Variants in IRX4 observed in about 807,000 individuals in gnomAD.
The protein encoded by IRX4 is iroquois-class homeodomain protein IRX-4.
A neutral mutation model predicts 32.0 loss-of-function variants in IRX4; 22 were observed. The ratio of observed to expected loss-of-function variants is 0.69; its 90% CI spans 0.49 to 0.98. IRX4 has a LOEUF of 0.98. Ranked by LOEUF, IRX4 falls within the 50% of genes least tolerant of loss-of-function variation. IRX4 has a pLI of 0.00. For synonymous variants in IRX4, 379 were observed against 351.7 expected, an observed-to-expected ratio of 1.08 and a Z score of -0.87; for missense variants, 840 against 744.2, an observed-to-expected ratio of 1.13 and a Z score of -1.50.
intron 3 of IRX4, 40 bp downstream of exon 3, chr5:1,880,685 C>G: frequency 7.3e-7 from 1 of 1,365,648 alleles, no homozygotes; most frequent in Non-Finnish European, 1.0e-6. Flanking sequence ...GTGCAGAGGG[C>G]CCGTGGGGCT....
chr5:1,880,940 G>T (rs571715947), intron 2 of IRX4, 106 bp from the exon 3 acceptor site: 2 of 857,228 alleles, frequency 2.3e-6, no homozygotes, highest in Non-Finnish European at 4.0e-6. Context: ...GGATTCCTGG[G>T]CAGCCCTACG....
Position 1,879,631 on chromosome 5 carries a change from C to T in IRX4, c.609G>A (p.Glu203=). 4 of 1,614,130 alleles carry T rather than the reference C, an allele frequency of 2.5e-6. No homozygotes were observed. Among genetic ancestry groups the T allele is most frequent in the Non-Finnish European group, 3.4e-6 (4 of 1,180,026 alleles). Reference sequence around the variant, plus strand: ...TCCGCGGCGGCCACGTCATCTTGTTCTCCTTCTTGAGGCGCCGGCGCGCGT... The same window carrying T: ...TCCGCGGCGGCCACGTCATCTTGTTTTCCTTCTTGAGGCGCCGGCGCGCGT... ...FANARRRLKK[E]NKMTWPPRNK... is the part of the protein sequence containing the mutation. Residue 203 remains glutamate (E), a synonymous_variant, in exon 4 of 5, where the codon GAG becomes GAA. Coordinates refer to ENST00000231357, the MANE Select transcript of IRX4 (RefSeq NM_016358.3).
chr5:1,881,823 G>A lies in IRX4; in HGVS notation c.282C>T (p.Ser94=), dbSNP rs1735451574. 1.9e-6 allele frequency: 3 copies of A among 1,564,346 alleles called. No individual in the cohort carries two copies. Among genetic ancestry groups the A allele is most frequent in the African/African-American group, 2.7e-5 (2 of 73,392 alleles). Residue 94 remains serine (S), a synonymous_variant, in exon 2 of 5, where the codon TCC becomes TCT. Transcript: ENST00000231357. ...CCCCACTTACCAGCGAGTAGAAGGC[G>A]GACGCCTCCGAGCCGTAGGTCACGT... ...GNYVTYGSEA[S]AFYSLNSFDS...
Position 1,879,623 on chromosome 5 carries a change from A to G in IRX4, c.617T>C (p.Met206Thr). 1 of 1,613,988 alleles carries G rather than the reference A, an allele frequency of 6.2e-7. No individual in the cohort carries two copies. Among genetic ancestry groups the G allele is most frequent in the Non-Finnish European group, 8.5e-7 (1 of 1,180,016 alleles). ...ARRRLKKENK[M>T]TWPPRNKCAD... ...GCACTTGTTCCGCGGCGGCCACGTC[A>G]TCTTGTTCTCCTTCTTGAGGCGCCG... The change falls in exon 4 of 5, where the codon ATG becomes ACG. Residue 206 changes from methionine to threonine, a missense_variant. By Grantham distance (81) the Met-to-Thr change is moderately conservative. Around this residue, in one of 3 missense-constraint regions of IRX4, gnomAD observed 585 missense variants for 488.0 expected, o/e 1.20. Transcript: ENST00000231357.
rs369060686 is a variant in IRX4, at chr5:1,879,556, C to T, written c.684G>A (p.Glu228=). The change falls in exon 4 of 5, where the codon GAG becomes GAA. Residue 228 remains glutamate, a synonymous_variant. Coordinates refer to ENST00000231357, the MANE Select transcript of IRX4 (RefSeq NM_016358.3). ...KRPYAEGEEE[E]GGEEEAREEP... Reference sequence around the variant, plus strand: ...CCTCCCGCGCCTCCTCCTCGCCCCCCTCCTCCTCCTCGCCCTCCGCGTAGG... The same window carrying T: ...CCTCCCGCGCCTCCTCCTCGCCCCCTTCCTCCTCCTCGCCCTCCGCGTAGG... 1.3e-6 allele frequency: 2 copies of T among 1,597,522 alleles called. No individual in the cohort carries two copies. Among genetic ancestry groups the T allele is most frequent in the Non-Finnish European group, 1.7e-6 (2 of 1,168,182 alleles).
intron 2 of IRX4, 101 bp from the exon 3 acceptor site, chr5:1,880,935 C>A (rs539117428): frequency 1.3e-5 from 12 of 898,940 alleles, no homozygotes; most frequent in Non-Finnish European, 2.2e-5. Flanking sequence ...GGCAAGGATT[C>A]CTGGGCAGCC....
rs1735362063 is a variant in IRX4, at chr5:1,879,755, T to C, written c.485A>G (p.Gln162Arg). The change falls in exon 4 of 5, where the codon CAG becomes CGG. Residue 162 changes from glutamine (Q) to arginine (R), a missense_variant. Coordinates refer to ENST00000231357, the MANE Select transcript of IRX4 (RefSeq NM_016358.3). ...ETTSTLKAWL[Q>R]EHRKNPYPTK... ...GGGGTAGGGGTTCTTGCGGTGCTCC[T>C]GCAGCCAGGCCTTGAGCGTGCTGGT... 3 of 1,614,138 alleles carry C rather than the reference T, an allele frequency of 1.9e-6. No individual in the cohort carries two copies. Among genetic ancestry groups the C allele is most frequent in the African/African-American group, 2.7e-5 (2 of 74,956 alleles).
chr5:1,880,974 C>T (rs1049615998), intron 2 of IRX4, 140 bp from the exon 3 acceptor site: 3 of 697,642 alleles, frequency 4.3e-6, no homozygotes, highest in Middle Eastern at 2.5e-4. Flanking sequence ...GAGCTGATTT[C>T]CCGCTTGCTT....
rs1735363743 is a variant in IRX4 at position 1,879,788 on chromosome 5, C to G, written c.452G>C (p.Arg151Pro). 1 of 1,614,136 alleles carries G rather than the reference C, an allele frequency of 6.2e-7. No homozygotes were observed. The highest frequency in any genetic ancestry group is 8.5e-7 in the Non-Finnish European group (1 of 1,180,038). The change falls in exon 4 of 5, where the codon CGC (arginine) becomes CCC (proline). Residue 151 changes from arginine to proline, a missense_variant. By Grantham distance (103) the Arg-to-Pro change is moderately radical. This residue lies in a region of IRX4 where 241 missense variants were observed against 220.8 expected (regional missense o/e 1.09). Transcript: ENST00000231357. The stretch of plus-strand genomic sequence containing the variant: ...GGCCTTGAGCGTGCTGGTGGTCTCG[C>G]GCGTGGCGTTCTTGCGCCGCGTGCC... Reference protein sequence around the residue: ...DSGTRRKNATRETTSTLKAWL... With the variant: ...DSGTRRKNATPETTSTLKAWL...
intron 2 of IRX4, 76 bp downstream of exon 2, chr5:1,881,732 G>A: frequency 9.2e-6 from 14 of 1,524,838 alleles, no homozygotes; most frequent in South Asian, 1.2e-5. Context: ...CCGGACTGGC[G>A]CGCCTACTGG....
upstream of IRX4, chr5:1,886,728 C>T (rs1735644582): frequency 6.6e-6 from 1 of 151,342 alleles, no homozygotes. Flanking sequence ...CCGCGCCGGC[C>T]CGCGCACCCT....
intron 4 of IRX4, 40 bp downstream of exon 4, chr5:1,879,464 C>A: frequency 6.2e-7 from 1 of 1,612,630 alleles, no homozygotes. Context: ...TGTGCCTGCA[C>A]TCCAGGGCCT....
chr5:1,880,676 T>G, intron 3 of IRX4, 49 bp downstream of exon 3: 1 of 1,279,874 alleles, frequency 7.8e-7, no homozygotes, highest in Non-Finnish European at 1.1e-6. Flanking sequence ...TGGCTGACAG[T>G]GCAGAGGGCC....
chr5:1,879,975 A>G, intron 3 of IRX4, 143 bp from the exon 4 acceptor site: 1 of 1,495,844 alleles, frequency 6.7e-7, no homozygotes, highest in South Asian at 1.2e-5. Context: ...CATAAGGCCC[A>G]GGTAGGACCC....
chr5:1,879,143 C>A lies in IRX4; in HGVS notation c.737-351G>T, dbSNP rs1365436420. Among the ~76,000 whole-genome samples the A allele has an allele frequency of 2.0e-5, 3 of 152,128 alleles. No individual in the cohort carries two copies. The East Asian group carries it at 5.8e-4, about 29-fold the overall frequency. On this transcript the variant is annotated intron_variant, in intron 4 of 4. Coordinates refer to ENST00000231357, the MANE Select transcript of IRX4 (RefSeq NM_016358.3). ...AGTAGCTGGGACTACAGGCGCCCGCCACCACGCCCGGCTAATTTTTTGTAT... is the reference window on the plus strand; with the variant it reads ...AGTAGCTGGGACTACAGGCGCCCGCAACCACGCCCGGCTAATTTTTTGTAT...
chr5:1,882,457 G>A (rs1365610906), intron 1 of IRX4, 146 bp downstream of exon 1: 8 of 701,504 alleles, frequency 1.1e-5, no homozygotes, highest in Non-Finnish European at 1.7e-5. Context: ...GGGGAGCAGG[G>A]GTTGGGCGTG....
chr5:1,880,661 G>A (rs934503443), intron 3 of IRX4, 64 bp downstream of exon 3: 74 of 1,078,556 alleles, frequency 6.9e-5, no homozygotes, highest in Admixed American at 1.2e-4. Context: ...GTGGAGGGGA[G>A]TTGGTGGCTG....
At chr5:1,879,273 G>T (rs1237988537) in intron 4 of IRX4, among the ~76,000 whole-genome samples, 1 of 152,058 alleles carries the variant, frequency 6.6e-6, no homozygotes, top group African/African-American at 2.4e-5. Context: ...TTACAGGCGT[G>T]AGCCACCGCG....
At chr5:1,883,822 C>G (rs1453252182), upstream of IRX4, 1 of 152,222 alleles carries the variant, frequency 6.6e-6, no homozygotes, top group Admixed American at 6.5e-5. Flanking sequence ...CGGGGACTGC[C>G]GGGCGGCCCT....
Sources: allele counts gnomAD v4.1 joint callset (sites outside exome capture counted in the v4.1 genomes callset), GRCh38; gene constraint gnomAD v4.1.1; regional missense constraint gnomAD v4.1.1; transcripts MANE v1.5; gene names NCBI Gene and HGNC (gene_info 2026-07-23, HGNC 2026-07-21).